Variants in TMEFF2 observed in about 807,000 individuals in gnomAD.
The protein encoded by TMEFF2 is transmembrane protein with EGF like and two follistatin like domains 2.
A neutral mutation model predicts 53.8 loss-of-function variants in TMEFF2; 28 were observed. The ratio of observed to expected loss-of-function variants is 0.52; its 90% CI spans 0.39 to 0.71. The LOEUF (loss-of-function observed/expected upper bound fraction) is 0.71, where lower values mean the gene tolerates loss of function less well. TMEFF2 is among the 30% of genes least tolerant of loss of function. TMEFF2 has a pLI of 0.00. For synonymous variants in TMEFF2, 162 were observed against 166.3 expected, an observed-to-expected ratio of 0.97 and a Z score of 0.20; for missense variants, 353 against 455.2, an observed-to-expected ratio of 0.78 and a Z score of 2.04.
rs574378053 is a variant in TMEFF2 at position 192,001,243 on chromosome 2, G to A, written c.537-2035C>T. On this transcript the variant is annotated intron_variant, in intron 5 of 9. Transcript: ENST00000272771. ...TTGTTAGCAACTGAAAAACAGAAAG[G>A]TATGTTCTGTCACTTGTCTACCTAA... Among the ~76,000 whole-genome samples the A allele has an allele frequency of 1.6e-4, 25 of 152,190 alleles. 1 individual carries two copies. The highest frequency in any genetic ancestry group is 6.0e-4 in the African/African-American group (25 of 41,512).
chr2:191,983,341 C>T (rs1685899682), intron 7 of TMEFF2, among the ~76,000 whole-genome samples: 1 of 149,882 alleles, frequency 6.7e-6, no homozygotes, highest in African/African-American at 2.4e-5. Flanking sequence ...TGATCATTTT[C>T]TTGGCACTGT....
intron 4 of TMEFF2, among the ~76,000 whole-genome samples, chr2:192,081,518 C>CTA: frequency 6.6e-6 from 1 of 152,212 alleles, no homozygotes; most frequent in Middle Eastern, 3.4e-3. Flanking sequence ...ATCAACTGTG[C>CTA]TAAAATATGC....
At chr2:192,027,114 G>A (rs1237687228) in intron 5 of TMEFF2, among the ~76,000 whole-genome samples, 2 of 152,114 alleles carry the variant, frequency 1.3e-5, no homozygotes, top group Non-Finnish European at 2.9e-5. Flanking sequence ...ATGTTTAGAG[G>A]GGGGACAGTT....
intron 4 of TMEFF2, among the ~76,000 whole-genome samples, chr2:192,073,587 T>C (rs541770222): frequency 5.3e-5 from 8 of 152,094 alleles, no homozygotes; most frequent in African/African-American, 1.9e-4. Flanking sequence ...AAATGTACAC[T>C]TCAAAACCTA....
intron 4 of TMEFF2, among the ~76,000 whole-genome samples, chr2:192,076,865 G>GA (rs1688443967): frequency 6.6e-6 from 1 of 152,158 alleles, no homozygotes; most frequent in Non-Finnish European, 1.5e-5. Context: ...GAAGTGCTTA[G>GA]GTGTGTAATT....
At chr2:192,101,321 G>A (rs1689026609) in intron 4 of TMEFF2, among the ~76,000 whole-genome samples, 2 of 152,104 alleles carry the variant, frequency 1.3e-5, no homozygotes, top group South Asian at 4.1e-4. Flanking sequence ...TTGAAGTCAT[G>A]TGCAGAGGCA....
At chr2:191,965,506 G>A (rs1047393128) in intron 7 of TMEFF2, among the ~76,000 whole-genome samples, 4 of 152,096 alleles carry the variant, frequency 2.6e-5, no homozygotes, top group Admixed American at 6.5e-5. Flanking sequence ...AAGAGAAAAC[G>A]TGAGTACATT....
At chr2:192,034,441 T>C (rs1045020552) in intron 5 of TMEFF2, among the ~76,000 whole-genome samples, 2 of 152,170 alleles carry the variant, frequency 1.3e-5, no homozygotes, top group African/African-American at 4.8e-5. Context: ...ATCACGAATA[T>C]GTTGCACGTT....
chr2:191,990,582 T>C (rs1686080460), intron 7 of TMEFF2, among the ~76,000 whole-genome samples: 1 of 152,104 alleles, frequency 6.6e-6, no homozygotes, highest in South Asian at 2.1e-4. Context: ...TTCCTAGGAA[T>C]TGAAATAACA....
chr2:192,173,123 A>G (rs1190191809), intron 4 of TMEFF2, among the ~76,000 whole-genome samples: 2 of 151,906 alleles, frequency 1.3e-5, no homozygotes, highest in Non-Finnish European at 2.9e-5. Flanking sequence ...ATATTTCAAA[A>G]CAACTAAAAG....
intron 5 of TMEFF2, among the ~76,000 whole-genome samples, chr2:192,008,500 T>G (rs1686553365): frequency 6.6e-6 from 1 of 152,198 alleles, no homozygotes; most frequent in African/African-American, 2.4e-5. Flanking sequence ...AATTCCTCAT[T>G]AGCATCATGT....
intron 5 of TMEFF2, among the ~76,000 whole-genome samples, chr2:192,023,907 CA>C (rs1686913885): frequency 6.6e-6 from 1 of 152,064 alleles, no homozygotes; most frequent in East Asian, 1.9e-4. Flanking sequence ...TCACAAGCTT[CA>C]AAGTGATTAA....
rs76852657 is a variant in TMEFF2 at position 191,963,335 on chromosome 2, T to C, written c.746-6957A>G. ...TTTGGCCAAAATTATTTGCTTGTGG[T>C]TAATCCAGGCATCCTTTCTTAGTGA... is the stretch of plus-strand genomic sequence containing the variant. On this transcript the variant is annotated intron_variant, in intron 7 of 9. Transcript: ENST00000272771. 4.6e-3 allele frequency among the ~76,000 whole-genome samples: 706 copies of C among 152,350 alleles called. 6 individuals are homozygous for C. Among genetic ancestry groups the C allele is most frequent in the African/African-American group, 0.016 (676 of 41,594 alleles).
At chr2:192,075,960 GGAAGCAAA>G (rs1233076146) in intron 4 of TMEFF2, among the ~76,000 whole-genome samples, 3 of 151,154 alleles carry the variant, frequency 2.0e-5, no homozygotes, top group Non-Finnish European at 3.0e-5. Context: ...AAGGAAAGAA[GGAAGCAAA>G]GAAGGAAAGA....
At chr2:192,096,287 T>G (rs1688901848) in intron 4 of TMEFF2, among the ~76,000 whole-genome samples, 1 of 152,176 alleles carries the variant, frequency 6.6e-6, no homozygotes, top group Admixed American at 6.6e-5. Context: ...TTAAAAAATT[T>G]TATACACATA....
At position 191,949,645 on chromosome 2, in the gene TMEFF2, T is replaced by G; in HGVS notation, c.*666A>C. 1.0e-6 allele frequency: 1 copy of G among 985,386 alleles called. No homozygotes were observed. The highest frequency in any genetic ancestry group is 5.2e-4 in the Middle Eastern group (1 of 1,914). The allele number at this position is 985,386 out of a possible 1,614,324, so 61.0% of individuals were successfully genotyped here. A position where few individuals can be genotyped will look rare whatever the true frequency, so the allele number is the denominator to read the frequency against. On this transcript the variant is annotated 3_prime_UTR_variant, in exon 10 of 10. Transcript: ENST00000272771. ...TACTTCCCCAATAAAAACCAATATTTTCTTTCCCTCTCCTTTATGAGTTAT... is the reference window on the plus strand; with the variant it reads ...TACTTCCCCAATAAAAACCAATATTGTCTTTCCCTCTCCTTTATGAGTTAT...
intron 4 of TMEFF2, among the ~76,000 whole-genome samples, chr2:192,147,369 T>C (rs1388761095): frequency 1.3e-5 from 2 of 152,082 alleles, no homozygotes; most frequent in African/African-American, 4.8e-5. Flanking sequence ...TTAGGGTACA[T>C]GTGCATAATG....
At chr2:192,044,247 T>C (rs1036670496) in intron 5 of TMEFF2, 10 of 152,198 alleles carry the variant, frequency 6.6e-5, no homozygotes, top group African/African-American at 2.2e-4. Flanking sequence ...ATTACACTGG[T>C]GACATGATGC....
rs186772531 is a variant in TMEFF2 at position 192,079,544 on chromosome 2, G to A, written c.440-21769C>T. On this transcript the variant is annotated intron_variant, in intron 4 of 9. Coordinates refer to ENST00000272771, the MANE Select transcript of TMEFF2 (RefSeq NM_016192.4). ...GTTCATCTGTTCTGCAGGCCTAGAC[G>A]GTCATTGTGAGGGAGAAATAAACTT... 3.2e-4 allele frequency among the ~76,000 whole-genome samples: 48 copies of A among 152,274 alleles called. 5 individuals are homozygous for A. The highest frequency in any genetic ancestry group is 2.3e-3 in the East Asian group (12 of 5,174).
Sources: allele counts gnomAD v4.1 joint callset (sites outside exome capture counted in the v4.1 genomes callset), GRCh38; gene constraint gnomAD v4.1.1; transcripts MANE v1.5; gene names NCBI Gene and HGNC (gene_info 2026-07-23, HGNC 2026-07-21).